PEAK1: variants seen among roughly 807,000 people sequenced by gnomAD.
PEAK1 encodes the protein inactive tyrosine-protein kinase PEAK1.
In PEAK1, 54 loss-of-function variants were observed where a neutral mutation model predicts 124.7. The observed-to-expected ratio is 0.43, with a 90% CI of 0.35 to 0.54. The LOEUF is 0.54. Ranked by LOEUF, PEAK1 falls within the 20% of genes least tolerant of loss-of-function variation. The probability of loss-of-function intolerance (pLI) is 0.01; values close to 1 mark genes in which losing one functional copy is unlikely to be tolerated. For missense variants in PEAK1, 2,046 were observed against 2,134.5 expected, an observed-to-expected ratio of 0.96 and a Z score of 0.82; for synonymous variants, 719 against 760.0, an observed-to-expected ratio of 0.95 and a Z score of 0.89.
intron 1 of PEAK1, among the ~76,000 whole-genome samples, chr15:77,409,302 T>A (rs1447322973): frequency 6.6e-6 from 1 of 152,226 alleles, no homozygotes; most frequent in African/African-American, 2.4e-5. Flanking sequence ...GATACTATGC[T>A]TCAGGCATTA....
chr15:77,213,218 G>A (rs1263260172), intron 6 of PEAK1, among the ~76,000 whole-genome samples: 1 of 151,984 alleles, frequency 6.6e-6, no homozygotes, highest in Non-Finnish European at 1.5e-5. Context: ...GAGAATCAAG[G>A]TAAAATAAAA....
intron 2 of PEAK1, among the ~76,000 whole-genome samples, chr15:77,311,192 C>T (rs115341103): frequency 0.014 from 2,075 of 152,142 alleles, 47 homozygotes; most frequent in African/African-American, 0.046. Flanking sequence ...GAGGCATCTC[C>T]CATATGATAA....
exon 7 of PEAK1, chr15:77,102,759 T>G (rs1219032866): frequency 6.6e-6 from 1 of 152,232 alleles, no homozygotes; most frequent in African/African-American, 2.4e-5. Context: ...TGTACCTGTA[T>G]CACACTGTTT....
intron 5 of PEAK1, among the ~76,000 whole-genome samples, chr15:77,258,603 T>C (rs914587015): frequency 7.2e-5 from 11 of 152,212 alleles, no homozygotes; most frequent in African/African-American, 2.7e-4. Flanking sequence ...CTGAAGTTGC[T>C]TATCAGCTTT....
intron 9 of PEAK1, among the ~76,000 whole-genome samples, chr15:77,125,766 A>G (rs903398735): frequency 6.6e-6 from 1 of 152,254 alleles, no homozygotes; most frequent in Non-Finnish European, 1.5e-5. Context: ...GGTACTTGCT[A>G]CAAATGCAGT....
At chr15:77,319,893 A>G (rs1017547013) in intron 2 of PEAK1, among the ~76,000 whole-genome samples, 2 of 152,214 alleles carry the variant, frequency 1.3e-5, no homozygotes, top group African/African-American at 2.4e-5. Context: ...CTTCATTTGC[A>G]AAGTGGGAAG....
intron 9 of PEAK1, among the ~76,000 whole-genome samples, chr15:77,118,586 ACTT>A (rs1412973478): frequency 6.6e-6 from 1 of 152,184 alleles, no homozygotes; most frequent in Non-Finnish European, 1.5e-5. Context: ...GATTAAAGTA[ACTT>A]CTTCTTGGCT....
intron 2 of PEAK1, among the ~76,000 whole-genome samples, chr15:77,306,197 T>G (rs2064093471): frequency 6.6e-6 from 1 of 152,170 alleles, no homozygotes; most frequent in Non-Finnish European, 1.5e-5. Flanking sequence ...AGTCCTGAAT[T>G]TTTAAAAGTA....
intron 2 of PEAK1, among the ~76,000 whole-genome samples, chr15:77,354,982 T>A (rs997997930): frequency 3.3e-5 from 5 of 150,968 alleles, no homozygotes; most frequent in Non-Finnish European, 7.4e-5. Flanking sequence ...GAGCTTGCAG[T>A]GAGCCAAGAT....
At chr15:77,385,847 G>T (rs1460674854) in intron 1 of PEAK1, among the ~76,000 whole-genome samples, 1 of 152,166 alleles carries the variant, frequency 6.6e-6, no homozygotes, top group African/African-American at 2.4e-5. Context: ...AAAGCATTGG[G>T]AATTTCCAAA....
At chr15:77,198,972 A>G (rs1300047581) in intron 6 of PEAK1, among the ~76,000 whole-genome samples, 5 of 152,232 alleles carry the variant, frequency 3.3e-5, no homozygotes, top group African/African-American at 1.2e-4. Flanking sequence ...AAAGCCACCA[A>G]GGACATTTAT....
intron 2 of PEAK1, chr15:77,347,815 G>A (rs1183558997): frequency 2.5e-5 from 25 of 984,720 alleles, no homozygotes; most frequent in East Asian, 2.3e-4. Flanking sequence ...TCTATAGCAA[G>A]CACAAAACAG....
chr15:77,201,232 C>CTTTTTTTTTT (rs11363810), intron 6 of PEAK1, among the ~76,000 whole-genome samples: 14 of 77,260 alleles, frequency 1.8e-4, no homozygotes, highest in African/African-American at 4.0e-4. Context: ...GCCTTTGTGT[C>CTTTTTTTTTT]TTTTTTTTTT....
chr15:77,258,086 T>C (rs1024327511), intron 5 of PEAK1, among the ~76,000 whole-genome samples: 8 of 152,220 alleles, frequency 5.3e-5, no homozygotes, highest in African/African-American at 1.7e-4. Context: ...CATTGATCTA[T>C]ATCTCTATTT....
intron 2 of PEAK1, chr15:77,349,753 A>C: frequency 1.0e-6 from 1 of 985,226 alleles, no homozygotes; most frequent in Non-Finnish European, 1.2e-6. Flanking sequence ...ACTTAAGTTG[A>C]GATGATTCAC....
intron 2 of PEAK1, among the ~76,000 whole-genome samples, chr15:77,305,183 A>G (rs1469585511): frequency 3.7e-5 from 3 of 80,202 alleles, no homozygotes; most frequent in Non-Finnish European, 7.1e-5. Flanking sequence ...GGAAGGAAGG[A>G]AGGGAGGGAG....
At chr15:77,262,521 C>G (rs1366513985) in intron 5 of PEAK1, among the ~76,000 whole-genome samples, 1 of 151,644 alleles carries the variant, frequency 6.6e-6, no homozygotes. Context: ...AGGGCCATTA[C>G]ATAATGGTAA....
At chr15:77,344,469 T>C (rs554922084) in intron 2 of PEAK1, among the ~76,000 whole-genome samples, 8 of 152,358 alleles carry the variant, frequency 5.3e-5, no homozygotes. Flanking sequence ...ACCATAGTTT[T>C]TGCAGTAAGT....
At chr15:77,120,916 G>C (rs2051856002) in intron 9 of PEAK1, among the ~76,000 whole-genome samples, 1 of 152,146 alleles carries the variant, frequency 6.6e-6, no homozygotes, top group Non-Finnish European at 1.5e-5. Flanking sequence ...CTGCCTGAGG[G>C]ATTCCTACTT....
Sources: allele counts gnomAD v4.1 joint callset (sites outside exome capture counted in the v4.1 genomes callset), GRCh38; gene constraint gnomAD v4.1.1; transcripts MANE v1.5; gene names NCBI Gene and HGNC (gene_info 2026-07-23, HGNC 2026-07-21).